Variants in ARHGAP6 observed in about 807,000 individuals in gnomAD.
The protein encoded by ARHGAP6 is rho GTPase-activating protein 6.
ARHGAP6 carries 16 observed loss-of-function variants against 55.7 expected under a neutral mutation model. The observed-to-expected ratio is 0.29, with a 90% CI of 0.19 to 0.44. The LOEUF is 0.44. ARHGAP6 is among the 20% of genes least tolerant of loss of function. The pLI, the probability that ARHGAP6 is intolerant of heterozygous loss-of-function variation, is 1.00. For synonymous variants in ARHGAP6, 382 were observed against 360.9 expected, an observed-to-expected ratio of 1.06 and a Z score of -0.66; for missense variants, 698 against 808.9, an observed-to-expected ratio of 0.86 and a Z score of 1.66.
At chrX:11,299,122 T>C (rs1363696137) in intron 1 of ARHGAP6, 7 of 746,906 alleles carry the variant, frequency 9.4e-6, no homozygotes, top group Non-Finnish European at 1.4e-5. Context: ...CAATATGCTA[T>C]ACCTTTATGT....
At chrX:11,369,391 C>G (rs949355373) in intron 1 of ARHGAP6, among the ~76,000 whole-genome samples, 1 of 110,908 alleles carries the variant, frequency 9.0e-6, no homozygotes, top group African/African-American at 3.3e-5. Flanking sequence ...GGGCTGAGGA[C>G]AGCACTTTGA....
chrX:11,470,328 C>T (rs2050335552), intron 1 of ARHGAP6, among the ~76,000 whole-genome samples: 1 of 111,645 alleles, frequency 9.0e-6, no homozygotes, highest in African/African-American at 3.3e-5. Flanking sequence ...CCCATTTGGA[C>T]AAGTTAAATG....
In ARHGAP6 at chrX:11,428,331, T is replaced by A. The variant is rs765023497; in HGVS notation, c.589-173624A>T. ...GGGACAAGGCTGCCCAGGATGCTGG[T>A]CACTTAGGGTGACCCGAGTTCCAGG... is the stretch of plus-strand genomic sequence containing the variant. On this transcript the variant is annotated intron_variant, in intron 1 of 12. Coordinates refer to ENST00000337414, the MANE Select transcript of ARHGAP6 (RefSeq NM_013427.3). Among the ~76,000 whole-genome samples, 4 of 111,618 alleles carry A rather than the reference T, an allele frequency of 3.6e-5. No homozygotes were observed. In the East Asian group the frequency reaches 1.1e-3, roughly 31 times the overall value.
In ARHGAP6 at chrX:11,327,318, TA is replaced by T. The variant is rs1157319583; in HGVS notation, c.589-72612del. On this transcript the variant is annotated intron_variant, in intron 1 of 12. Coordinates refer to ENST00000337414, the MANE Select transcript of ARHGAP6 (RefSeq NM_013427.3). ...TCACACATTTCGTTTTAAAGACTTG[TA>T]AGGGAAAAGTTTGTCTAAAATTTCA... 3.6e-5 allele frequency among the ~76,000 whole-genome samples: 4 copies of T among 112,556 alleles called. No homozygotes were observed. In the East Asian group the frequency reaches 1.1e-3, roughly 31 times the overall value.
intron 1 of ARHGAP6, among the ~76,000 whole-genome samples, chrX:11,571,017 T>C (rs890817550): frequency 1.8e-5 from 2 of 111,541 alleles, no homozygotes; most frequent in Admixed American, 1.9e-4. Flanking sequence ...CCTTCCTCTC[T>C]GGAGGATGCA....
chrX:11,549,666 T>C (rs778862111), intron 1 of ARHGAP6, among the ~76,000 whole-genome samples: 1 of 112,278 alleles, frequency 8.9e-6, no homozygotes, highest in African/African-American at 3.2e-5. Flanking sequence ...AGGATGCTGA[T>C]GCTGCTGGTC....
intron 1 of ARHGAP6, among the ~76,000 whole-genome samples, chrX:11,576,911 G>A (rs2051605519): frequency 9.0e-6 from 1 of 111,377 alleles, no homozygotes; most frequent in Non-Finnish European, 1.9e-5. Flanking sequence ...CCAGCTTCTA[G>A]AAGCCACTTG....
intron 1 of ARHGAP6, among the ~76,000 whole-genome samples, chrX:11,274,182 A>C (rs7064513): frequency 2.1e-4 from 23 of 111,941 alleles, no homozygotes; most frequent in African/African-American, 7.5e-4. Flanking sequence ...TCTCTCATTT[A>C]GTTTTCTTAC....
chrX:11,579,506 T>C (rs2051640353), intron 1 of ARHGAP6, among the ~76,000 whole-genome samples: 2 of 112,306 alleles, frequency 1.8e-5, no homozygotes, highest in Non-Finnish European at 1.9e-5. Context: ...ACAATAAATG[T>C]TAATTATTAA....
chrX:11,142,940 T>G (rs2045641273), intron 11 of ARHGAP6: 1 of 112,367 alleles, frequency 8.9e-6, no homozygotes, highest in South Asian at 3.7e-4. Flanking sequence ...TTATAGGTGC[T>G]AAACACATTA....
chrX:11,296,636 A>C (rs766596145), intron 1 of ARHGAP6: 4 of 651,063 alleles, frequency 6.1e-6, no homozygotes, highest in Admixed American at 2.8e-5. Flanking sequence ...TATATTCTGC[A>C]CTATATAGAT....
intron 1 of ARHGAP6, among the ~76,000 whole-genome samples, chrX:11,595,551 G>C (rs2147137014): frequency 9.0e-6 from 1 of 111,491 alleles, no homozygotes; most frequent in East Asian, 2.8e-4. Context: ...AAAAGCAATG[G>C]CAACAAAAGC....
chrX:11,512,594 T>C (rs2050795816), intron 1 of ARHGAP6, among the ~76,000 whole-genome samples: 1 of 111,624 alleles, frequency 9.0e-6, no homozygotes. Context: ...TACTTCAGTT[T>C]TGAGCCTAGA....
intron 1 of ARHGAP6, among the ~76,000 whole-genome samples, chrX:11,357,645 T>C (rs887729893): frequency 1.8e-5 from 2 of 111,539 alleles, no homozygotes; most frequent in African/African-American, 6.5e-5. Context: ...TTTTTGGATA[T>C]GGGGTCTCTC....
intron 9 of ARHGAP6, among the ~76,000 whole-genome samples, chrX:11,161,548 A>T (rs757135516): frequency 9.0e-5 from 10 of 111,391 alleles, no homozygotes; most frequent in Admixed American, 1.9e-4. Context: ...AAACATATGC[A>T]TATTCATTTT....
rs1199653478 is a variant in ARHGAP6, at chrX:11,664,492, A to G, written c.337T>C (p.Ser113Pro). Residue 113 changes from serine (S) to proline (P), a missense_variant, in exon 1 of 13, where the codon TCA (serine) becomes CCA (proline). Coordinates refer to ENST00000337414, the MANE Select transcript of ARHGAP6 (RefSeq NM_013427.3). ...TCAAAGTGAAAGCTGCCGGATGGTG[A>G]CTTCTCCTGCGGGGTGCTGGGTGTG... ...FSTPSTPQEK[S>P]PSGSFHFDYE... is the part of the protein sequence containing the mutation. 1 of 1,207,304 alleles carries G rather than the reference A, an allele frequency of 8.3e-7. No individual in the cohort carries two copies. Among genetic ancestry groups the G allele is most frequent in the African/African-American group, 1.7e-5 (1 of 57,518 alleles).
At chrX:11,418,662 G>A (rs1006563442) in intron 1 of ARHGAP6, among the ~76,000 whole-genome samples, 1 of 111,760 alleles carries the variant, frequency 8.9e-6, no homozygotes, top group African/African-American at 3.3e-5. Context: ...CAAAATATAC[G>A]TAGAATATAT....
At chrX:11,163,589 G>C (rs1338567139) in intron 9 of ARHGAP6, among the ~76,000 whole-genome samples, 2 of 112,511 alleles carry the variant, frequency 1.8e-5, no homozygotes, top group Non-Finnish European at 3.7e-5. Context: ...GCATTTTGTA[G>C]TTAACAAACA....
intron 1 of ARHGAP6, among the ~76,000 whole-genome samples, chrX:11,614,099 G>A (rs932832810): frequency 3.6e-5 from 4 of 110,083 alleles, no homozygotes; most frequent in Non-Finnish European, 5.7e-5. Context: ...CCTTTTCCAC[G>A]GCCCACCTAG....
Sources: allele counts gnomAD v4.1 joint callset (sites outside exome capture counted in the v4.1 genomes callset), GRCh38; gene constraint gnomAD v4.1.1; transcripts MANE v1.5; gene names NCBI Gene and HGNC (gene_info 2026-07-23, HGNC 2026-07-21).